SMOC1: variants seen among roughly 807,000 people sequenced by gnomAD.
SMOC1 encodes the protein SPARC-related modular calcium-binding protein 1.
SMOC1 carries 22 observed loss-of-function variants against 56.3 expected under a neutral mutation model. The ratio of observed to expected loss-of-function variants is 0.39; its 90% CI spans 0.28 to 0.56. The LOEUF (loss-of-function observed/expected upper bound fraction) is 0.56. SMOC1 is among the 20% of genes least tolerant of loss of function. The pLI is 0.61. For synonymous variants in SMOC1, 193 were observed against 215.0 expected (o/e 0.90, Z 0.89); for missense variants, 509 against 565.4 (o/e 0.90, Z 1.01).
chr14:69,999,136 C>T (rs1884877573), intron 7 of SMOC1, among the ~76,000 whole-genome samples: 1 of 152,188 alleles, frequency 6.6e-6, no homozygotes, highest in Non-Finnish European at 1.5e-5. Context: ...ACTGTGTTTT[C>T]TCATGTCACC....
chr14:69,948,071 G>C (rs1216387677), intron 1 of SMOC1, among the ~76,000 whole-genome samples: 2 of 152,194 alleles, frequency 1.3e-5, no homozygotes, highest in African/African-American at 4.8e-5. Context: ...TGGGTTCACT[G>C]TTGGTGATCA....
At chr14:69,961,064 A>G (rs1883351819) in intron 3 of SMOC1, among the ~76,000 whole-genome samples, 1 of 151,646 alleles carries the variant, frequency 6.6e-6, no homozygotes, top group South Asian at 2.1e-4. Context: ...TTCACTTCCC[A>G]TTACCTCTCT....
intron 10 of SMOC1, among the ~76,000 whole-genome samples, chr14:70,013,692 T>C (rs1885413513): frequency 1.3e-5 from 2 of 152,220 alleles, no homozygotes; most frequent in Non-Finnish European, 2.9e-5. Context: ...CCCTATTCTT[T>C]GGGAGCTGCT....
At chr14:69,988,698 G>A (rs1019767867) in intron 5 of SMOC1, among the ~76,000 whole-genome samples, 1 of 152,096 alleles carries the variant, frequency 6.6e-6, no homozygotes. Flanking sequence ...CCATTCACAG[G>A]TATTTTCTAC....
chr14:70,001,605 C>CG (rs758557203), intron 7 of SMOC1, among the ~76,000 whole-genome samples: 2 of 152,198 alleles, frequency 1.3e-5, no homozygotes, highest in Non-Finnish European at 2.9e-5. Context: ...CCTTGGTCAG[C>CG]TACTGGAGTC....
intron 11 of SMOC1, among the ~76,000 whole-genome samples, chr14:70,026,909 G>T (rs1357832879): frequency 1.3e-5 from 2 of 151,954 alleles, no homozygotes; most frequent in African/African-American, 2.4e-5. Flanking sequence ...GTCTGTGTAT[G>T]TCTGTGCATG....
chr14:70,009,999 G>C (rs887698656), intron 7 of SMOC1, among the ~76,000 whole-genome samples: 1 of 152,222 alleles, frequency 6.6e-6, no homozygotes. Context: ...GGCCATGCTG[G>C]ACACAGGGCA....
intron 1 of SMOC1, among the ~76,000 whole-genome samples, chr14:69,892,402 G>T (rs1374151231): frequency 1.3e-5 from 2 of 152,236 alleles, no homozygotes; most frequent in Non-Finnish European, 2.9e-5. Flanking sequence ...GGAAGATTCT[G>T]TGAAGGTAAT....
intron 5 of SMOC1, among the ~76,000 whole-genome samples, chr14:69,990,019 C>G (rs1884505434): frequency 6.6e-6 from 1 of 152,208 alleles, no homozygotes; most frequent in African/African-American, 2.4e-5. Flanking sequence ...TAGGACCTCC[C>G]CGTGGCAGAG....
intron 1 of SMOC1, among the ~76,000 whole-genome samples, chr14:69,914,004 A>C (rs1218494604): frequency 6.6e-6 from 1 of 152,208 alleles, no homozygotes; most frequent in Non-Finnish European, 1.5e-5. Context: ...ATGTGGGTAT[A>C]ATGAGCTTCC....
intron 6 of SMOC1, 197 bp from the exon 7 acceptor site, chr14:69,994,203 C>G (rs1327067112): frequency 2.1e-5 from 14 of 666,696 alleles, no homozygotes; most frequent in Non-Finnish European, 3.5e-5. Flanking sequence ...ATGCCCTGAT[C>G]GGCTCTTATG....
chr14:70,025,331 A>T (rs555705557), intron 11 of SMOC1, among the ~76,000 whole-genome samples: 1 of 152,346 alleles, frequency 6.6e-6, no homozygotes, highest in South Asian at 2.1e-4. Context: ...AACCCAAAGA[A>T]TAGCATGGGA....
intron 1 of SMOC1, among the ~76,000 whole-genome samples, chr14:69,922,180 A>G (rs767076066): frequency 6.6e-6 from 1 of 152,184 alleles, no homozygotes; most frequent in Non-Finnish European, 1.5e-5. Flanking sequence ...CAACCTCTGG[A>G]GCTTTCTCAT....
chr14:69,948,207 C>T lies in SMOC1; in HGVS notation c.100-3931C>T, dbSNP rs114178700. Among the ~76,000 whole-genome samples, 1,241 of 152,256 alleles carry T rather than the reference C, an allele frequency of 8.2e-3. 22 individuals carry two copies. The highest frequency in any genetic ancestry group is 0.028 in the African/African-American group (1,181 of 41,542). ...TTAGGGCATAGTCATCTGGTTAAAG[C>T]TTCATTTTATAGAGCTCACTTTTTG... On this transcript the variant is annotated intron_variant, in intron 1 of 11. Coordinates refer to ENST00000361956, the MANE Select transcript of SMOC1 (RefSeq NM_001034852.3).
intron 1 of SMOC1, among the ~76,000 whole-genome samples, chr14:69,894,030 G>A (rs1884032591): frequency 6.6e-6 from 1 of 152,180 alleles, no homozygotes; most frequent in South Asian, 2.1e-4. Flanking sequence ...CCAGCATCTT[G>A]ATCTTGAACT....
intron 1 of SMOC1, among the ~76,000 whole-genome samples, chr14:69,946,842 G>T (rs982317899): frequency 3.3e-5 from 5 of 152,296 alleles, no homozygotes; most frequent in African/African-American, 1.2e-4. Context: ...CTCATGGCTT[G>T]GTGCTGTCCT....
At chr14:69,964,450 T>C (rs1159478831) in intron 3 of SMOC1, among the ~76,000 whole-genome samples, 2 of 151,086 alleles carry the variant, frequency 1.3e-5, no homozygotes, top group African/African-American at 4.9e-5. Flanking sequence ...CGATCTTGGC[T>C]CACTGCAAGC....
In SMOC1 at chr14:70,010,011, C is replaced by T. The variant is rs868505285; in HGVS notation, c.665-743C>T. Among the ~76,000 whole-genome samples, 48 of 152,318 alleles carry T rather than the reference C, an allele frequency of 3.2e-4. 1 individual carries two copies. Among genetic ancestry groups the T allele is most frequent in the African/African-American group, 1.1e-3 (47 of 41,564 alleles). ...GCTGGCCATGCTGGACACAGGGCAC[C>T]ACGCTCTGTCTCAGCCGGGGACTGG... On this transcript the variant is annotated intron_variant, in intron 7 of 11. Coordinates refer to ENST00000361956, the MANE Select transcript of SMOC1 (RefSeq NM_001034852.3).
At chr14:69,987,050 A>G (rs1884392341) in intron 5 of SMOC1, among the ~76,000 whole-genome samples, 1 of 152,102 alleles carries the variant, frequency 6.6e-6, no homozygotes, top group African/African-American at 2.4e-5. Flanking sequence ...ACTTTTGCAA[A>G]CAGACACTGT....
Sources: allele counts gnomAD v4.1 joint callset (sites outside exome capture counted in the v4.1 genomes callset), GRCh38; gene constraint gnomAD v4.1.1; transcripts MANE v1.5; gene names NCBI Gene and HGNC (gene_info 2026-07-23, HGNC 2026-07-21).